Variants in MDN1 observed in about 807,000 individuals in gnomAD.
The protein encoded by MDN1 is midasin.
MDN1 carries 266 observed loss-of-function variants against 669.2 expected under a neutral mutation model. The observed-to-expected ratio is 0.40, with a 90% confidence interval of 0.36 to 0.44. The LOEUF (loss-of-function observed/expected upper bound fraction) is 0.44, where lower values mean the gene tolerates loss of function less well. Among genes scored for constraint, MDN1 ranks in the 20% least tolerant of loss-of-function variants. The pLI is 1.00. For synonymous variants in MDN1, 2,385 were observed against 2,457.1 expected, an observed-to-expected ratio of 0.97 and a Z score of 0.87; for missense variants, 5,940 against 6,754.0, an observed-to-expected ratio of 0.88 and a Z score of 4.22.
intron 32 of MDN1, 85 bp from the exon 33 acceptor site, chr6:89,738,540 G>T: frequency 6.9e-7 from 1 of 1,439,948 alleles, no homozygotes; most frequent in Non-Finnish European, 9.6e-7. Context: ...GTTGTTAGCT[G>T]TTAAGTCCAG....
In MDN1 at chr6:89,719,126, G is replaced by T; in HGVS notation, c.6057+10C>A. 6.2e-7 allele frequency: 1 copy of T among 1,611,042 alleles called. No individual in the cohort carries two copies. Among genetic ancestry groups the T allele is most frequent in the Non-Finnish European group, 8.5e-7 (1 of 1,177,186 alleles). ...TGTCAAAGGATAGAGGATTATCCTAGTCTCCTTACCTGAACATCATAGGGA... is the reference window on the plus strand; with the variant it reads ...TGTCAAAGGATAGAGGATTATCCTATTCTCCTTACCTGAACATCATAGGGA... On this transcript the variant is annotated intron_variant, in intron 41 of 101. Coordinates refer to ENST00000369393, the MANE Select transcript of MDN1 (RefSeq NM_014611.3).
In MDN1 at chr6:89,793,939, G is replaced by T. The variant is rs1348467629; in HGVS notation, c.678C>A (p.Ala226=). Residue 226 remains alanine (A), a synonymous_variant, in exon 5 of 102, where the codon GCC becomes GCA. Coordinates refer to ENST00000369393, the MANE Select transcript of MDN1 (RefSeq NM_014611.3). Reference sequence around the variant, plus strand: ...AGGCCTTCTCCAAGTCCTGCAACTGGGCCTCTTCTAATAACCTGAGAGAAA... The same window carrying T: ...AGGCCTTCTCCAAGTCCTGCAACTGTGCCTCTTCTAATAACCTGAGAGAAA... The part of the protein sequence containing the change: ...IHFRLRLLEE[A]QLQDLEKALV... The T allele has an allele frequency of 6.2e-7, 1 of 1,612,728 alleles. No homozygotes were observed. The highest frequency in any genetic ancestry group is 8.5e-7 in the Non-Finnish European group (1 of 1,179,216).
intron 3 of MDN1, 94 bp downstream of exon 3, chr6:89,794,483 A>G: frequency 8.1e-7 from 1 of 1,234,238 alleles, no homozygotes; most frequent in Non-Finnish European, 1.2e-6. Flanking sequence ...AACAAATTTT[A>G]AATGGTTTCC....
chr6:89,649,932 A>G, intron 97 of MDN1, 92 bp downstream of exon 97: 2 of 1,289,192 alleles, frequency 1.6e-6, no homozygotes, highest in Non-Finnish European at 2.2e-6. Context: ...TTAAAGCATT[A>G]GCCATATCAT....
chr6:89,662,517 C>A (rs1482237280), intron 86 of MDN1, among the ~76,000 whole-genome samples: 1 of 152,124 alleles, frequency 6.6e-6, no homozygotes. Context: ...AAGCTGGGAG[C>A]TGGAAAAAAT....
At chr6:89,663,191 G>T (rs1203914556) in intron 85 of MDN1, among the ~76,000 whole-genome samples, 1 of 152,202 alleles carries the variant, frequency 6.6e-6, no homozygotes, top group African/African-American at 2.4e-5. Flanking sequence ...TGAACAGATG[G>T]TAAAAAGAGT....
intron 88 of MDN1, among the ~76,000 whole-genome samples, chr6:89,660,377 G>T (rs1187980183): frequency 2.0e-5 from 3 of 151,932 alleles, no homozygotes; most frequent in African/African-American, 7.3e-5. Flanking sequence ...TAGAGACAGG[G>T]TCTCACTATG....
intron 75 of MDN1, 79 bp from the exon 76 acceptor site, chr6:89,677,775 A>C (rs978127080): frequency 2.5e-6 from 4 of 1,588,362 alleles, no homozygotes; most frequent in Non-Finnish European, 3.4e-6. Flanking sequence ...TGCTACTCAA[A>C]GCAAAGTCTT....
chr6:89,731,003 G>A, intron 34 of MDN1, 80 bp from the exon 35 acceptor site: 1 of 1,321,974 alleles, frequency 7.6e-7, no homozygotes, highest in South Asian at 1.4e-5. Flanking sequence ...TCTAGCACAG[G>A]TTCCCGGAAA....
At chr6:89,731,939 A>C (rs937172285) in intron 34 of MDN1, among the ~76,000 whole-genome samples, 4 of 151,656 alleles carry the variant, frequency 2.6e-5, no homozygotes, top group Admixed American at 1.3e-4. Context: ...AACTCATTAC[A>C]AACACCCCTC....
intron 2 of MDN1, among the ~76,000 whole-genome samples, chr6:89,796,560 T>C (rs1344394715): frequency 6.6e-6 from 1 of 152,024 alleles, no homozygotes; most frequent in Non-Finnish European, 1.5e-5. Context: ...TGAACCTTAA[T>C]GTAATCAGGT....
chr6:89,784,514 A>G (rs1818853466), intron 9 of MDN1, among the ~76,000 whole-genome samples: 1 of 152,188 alleles, frequency 6.6e-6, no homozygotes, highest in Non-Finnish European at 1.5e-5. Context: ...GAAGTGGGGC[A>G]TGAACGGAGT....
chr6:89,719,550 T>C (rs73756408), intron 40 of MDN1, among the ~76,000 whole-genome samples: 120 of 152,298 alleles, frequency 7.9e-4, no homozygotes, highest in African/African-American at 2.8e-3. Context: ...TTTGCTTTCA[T>C]CATTGAAGAT....
rs201541413 is a variant in MDN1, at chr6:89,714,504, A to G, written c.7069+39T>C. 11 of 1,494,336 alleles carry G rather than the reference A, an allele frequency of 7.4e-6. No individual in the cohort carries two copies. The African/African-American group carries it at 1.4e-4, about 19-fold the overall frequency. The allele number at this position is 1,494,336 out of a possible 1,614,324, so 92.6% of individuals were successfully genotyped here. On this transcript the variant is annotated intron_variant, in intron 46 of 101. Transcript: ENST00000369393. ...ATGGAATGACATAAATTTCTTGAAG[A>G]CTAAAACTCTGCAAAGGCCCAAAAG...
At chr6:89,684,036 A>G in intron 71 of MDN1, 132 bp from the exon 72 acceptor site, 1 of 694,782 alleles carries the variant, frequency 1.4e-6, no homozygotes. Context: ...GTGAACAAGT[A>G]AAACAAGTCT....
At chr6:89,804,108 C>A (rs528411559) in intron 1 of MDN1, among the ~76,000 whole-genome samples, 17 of 151,584 alleles carry the variant, frequency 1.1e-4, no homozygotes, top group Admixed American at 2.6e-4. Context: ...CAGGGTTTCA[C>A]CATGTTGGCT....
chr6:89,707,282 G>T, intron 52 of MDN1, 79 bp downstream of exon 52: 1 of 998,008 alleles, frequency 1.0e-6, no homozygotes, highest in Non-Finnish European at 1.6e-6. Context: ...AACAGCAGCT[G>T]CTGAATATGC....
chr6:89,657,616 A>C (rs1402046812), intron 90 of MDN1, among the ~76,000 whole-genome samples: 1 of 152,236 alleles, frequency 6.6e-6, no homozygotes, highest in Non-Finnish European at 1.5e-5. Context: ...CTGAAAAACA[A>C]CACGAACCTG....
chr6:89,700,390 G>A, intron 56 of MDN1, 96 bp from the exon 57 acceptor site: 1 of 963,196 alleles, frequency 1.0e-6, no homozygotes, highest in Non-Finnish European at 1.6e-6. Flanking sequence ...AGCTTAACTT[G>A]AGCTAATCAG....
Sources: allele counts gnomAD v4.1 joint callset (sites outside exome capture counted in the v4.1 genomes callset), GRCh38; gene constraint gnomAD v4.1.1; transcripts MANE v1.5; gene names NCBI Gene and HGNC (gene_info 2026-07-23, HGNC 2026-07-21).